RARS2: variants seen among roughly 807,000 people sequenced by gnomAD.
RARS2 encodes probable arginine--tRNA ligase, mitochondrial.
RARS2 carries 67 observed loss-of-function variants against 88.5 expected under a neutral mutation model. That is an observed-to-expected ratio of 0.76 (90% CI 0.62 to 0.93). The LOEUF is 0.93. Among genes scored for constraint, RARS2 ranks in the 40% least tolerant of loss-of-function variants. The pLI is 0.00. For synonymous variants in RARS2, 239 were observed against 230.3 expected, an observed-to-expected ratio of 1.04 and a Z score of -0.34; for missense variants, 664 against 684.2, an observed-to-expected ratio of 0.97 and a Z score of 0.33.
At chr6:87,585,164 A>C (rs1582908955) in intron 1 of RARS2, among the ~76,000 whole-genome samples, 1 of 152,336 alleles carries the variant, frequency 6.6e-6, no homozygotes, top group East Asian at 1.9e-4. Flanking sequence ...GAACTCATTC[A>C]GTGAAGCTGC....
At chr6:87,551,932 T>C (rs982779690) in intron 5 of RARS2, among the ~76,000 whole-genome samples, 22 of 152,060 alleles carry the variant, frequency 1.4e-4, no homozygotes, top group Non-Finnish European at 7.4e-5. Flanking sequence ...AGAGAGAGAT[T>C]AGAGAGGAAA....
At chr6:87,565,743 T>C (rs536100974) in intron 2 of RARS2, among the ~76,000 whole-genome samples, 1 of 152,334 alleles carries the variant, frequency 6.6e-6, no homozygotes, top group African/African-American at 2.4e-5. Flanking sequence ...CTCACACTAA[T>C]TTATCTTCTG....
chr6:87,530,492 A>G (rs927812683), intron 9 of RARS2, among the ~76,000 whole-genome samples: 15 of 152,242 alleles, frequency 9.9e-5, no homozygotes, highest in Non-Finnish European at 1.5e-5. Context: ...TCAGTTTATT[A>G]ACCATCACAT....
intron 17 of RARS2, 82 bp downstream of exon 17, chr6:87,518,087 T>G: frequency 3.1e-6 from 5 of 1,612,546 alleles, no homozygotes; most frequent in Admixed American, 3.3e-5. Context: ...TACTGGACTG[T>G]TGACTCTACT....
chr6:87,576,999 T>C (rs991926527), intron 1 of RARS2, among the ~76,000 whole-genome samples: 3 of 152,236 alleles, frequency 2.0e-5, no homozygotes, highest in Non-Finnish European at 2.9e-5. Flanking sequence ...AGTTGCAAAG[T>C]AGTGTGTTTC....
chr6:87,555,124 TAAA>T (rs1189341454), intron 5 of RARS2, among the ~76,000 whole-genome samples: 1 of 149,898 alleles, frequency 6.7e-6, no homozygotes, highest in African/African-American at 2.4e-5. Context: ...AATAAATAAA[TAAA>T]TAAATAAATA....
Position 87,530,954 on chromosome 6 carries a change from A to G in RARS2, c.613-12T>C. 6.2e-7 allele frequency: 1 copy of G among 1,613,910 alleles called. No homozygotes were observed. The highest frequency in any genetic ancestry group is 8.5e-7 in the Non-Finnish European group (1 of 1,179,990). On this transcript the variant is annotated splice_polypyrimidine_tract_variant and intron_variant, in intron 8 of 19. Transcript: ENST00000369536. ...ACTTGTACATAAACCTAAAAGTACA[A>G]TAGTACATTAAATGAAGTACATAAC...
intron 1 of RARS2, among the ~76,000 whole-genome samples, chr6:87,575,398 A>C (rs1416557994): frequency 6.6e-6 from 1 of 152,126 alleles, no homozygotes; most frequent in Non-Finnish European, 1.5e-5. Flanking sequence ...TTAATACAAG[A>C]TTATGCCATC....
chr6:87,519,494 C>G, intron 14 of RARS2, 89 bp downstream of exon 14: 2 of 1,404,702 alleles, frequency 1.4e-6, no homozygotes, highest in Non-Finnish European at 2.0e-6. Context: ...AATGGAGGGA[C>G]AGACATAATA....
chr6:87,522,806 C>T (rs937522460), intron 11 of RARS2, among the ~76,000 whole-genome samples: 1 of 152,154 alleles, frequency 6.6e-6, no homozygotes, highest in Non-Finnish European at 1.5e-5. Context: ...AGATGGGTCT[C>T]ATTATATTGT....
chr6:87,535,228 T>C (rs1371547693), intron 8 of RARS2, among the ~76,000 whole-genome samples: 1 of 152,186 alleles, frequency 6.6e-6, no homozygotes, highest in African/African-American at 2.4e-5. Context: ...TTGAACGCAA[T>C]TTTTCATAAA....
At chr6:87,564,253 G>T (rs9450740) in intron 2 of RARS2, 21 bp from the exon 3 acceptor site, 1 of 1,522,426 alleles carries the variant, frequency 6.6e-7, no homozygotes, top group Non-Finnish European at 9.1e-7. Context: ...ACATCGAAAC[G>T]AGATAGAACT....
chr6:87,585,971 T>C (rs554542615), intron 1 of RARS2, among the ~76,000 whole-genome samples: 3 of 152,198 alleles, frequency 2.0e-5, no homozygotes, highest in Non-Finnish European at 4.4e-5. Context: ...ACATTGTAGC[T>C]AGGTTCCTAC....
At chr6:87,560,157 T>C (rs1787393580) in intron 4 of RARS2, among the ~76,000 whole-genome samples, 1 of 152,230 alleles carries the variant, frequency 6.6e-6, no homozygotes, top group Non-Finnish European at 1.5e-5. Context: ...AATTATCTTT[T>C]TACATAGCAC....
intron 1 of RARS2, among the ~76,000 whole-genome samples, 193 bp from the exon 2 acceptor site, chr6:87,569,783 A>G (rs760850608): frequency 6.1e-4 from 93 of 152,250 alleles, no homozygotes; most frequent in Non-Finnish European, 1.1e-3. Context: ...GGAAAACCCA[A>G]AATTCTAAGG....
At position 87,530,907 on chromosome 6, in the gene RARS2, A is replaced by G. The variant is rs145754295; in HGVS notation, c.648T>C (p.Asp216=). The G allele has an allele frequency of 7.2e-5, 116 of 1,614,098 alleles. No homozygotes were observed. The highest frequency in any genetic ancestry group is 9.3e-5 in the Non-Finnish European group (110 of 1,180,032). ...CCTGTGCTGCTTTTGCTACACTTTTATCATCTGCTGCTTCTTTATTAACTT... is the reference window on the plus strand; with the variant it reads ...CCTGTGCTGCTTTTGCTACACTTTTGTCATCTGCTGCTTCTTTATTAACTT... The part of the protein sequence containing the change: ...YVQVNKEAAD[D]KSVAKAAQEF... The change falls in exon 9 of 20, where the codon GAT becomes GAC. Residue 216 remains aspartate, a synonymous_variant. Transcript: ENST00000369536.
In RARS2 at chr6:87,519,607, G is replaced by C; in HGVS notation, c.1213C>G (p.Leu405Val). The C allele has an allele frequency of 6.2e-7, 1 of 1,612,692 alleles. No individual in the cohort carries two copies. The highest frequency in any genetic ancestry group is 1.1e-5 in the South Asian group (1 of 91,054). The change falls in exon 14 of 20, where the codon CTA becomes GTA. Residue 405 changes from leucine (L) to valine (V), a missense_variant. Transcript: ENST00000369536. ...DVLNEIQLRM[L>V]QNMASIKTTK... The stretch of plus-strand genomic sequence containing the variant: ...CTCTTAATTGAAGCCATGTTCTGTA[G>C]CATCCTTAATTGAATCTCATTTAAA...
intron 1 of RARS2, among the ~76,000 whole-genome samples, chr6:87,589,037 C>T (rs1353344869): frequency 1.3e-5 from 2 of 152,132 alleles, no homozygotes; most frequent in Admixed American, 6.6e-5. Context: ...GAGGGATTTC[C>T]CCACAAATGT....
At chr6:87,587,098 T>C (rs1775402620) in intron 1 of RARS2, among the ~76,000 whole-genome samples, 2 of 151,992 alleles carry the variant, frequency 1.3e-5, no homozygotes, top group African/African-American at 2.4e-5. Flanking sequence ...TTTCCCAGGC[T>C]GGTCTTGAAC....
Sources: allele counts gnomAD v4.1 joint callset (sites outside exome capture counted in the v4.1 genomes callset), GRCh38; gene constraint gnomAD v4.1.1; transcripts MANE v1.5; gene names NCBI Gene and HGNC (gene_info 2026-07-23, HGNC 2026-07-21).